The following UGT1A8 variants were observed in gnomAD, a reference collection of about 807,000 sequenced individuals.
The protein encoded by UGT1A8 is UDP glucuronosyltransferase family 1 member A8.
A neutral mutation model predicts 45.3 loss-of-function variants in UGT1A8; 39 were observed. That is an observed-to-expected ratio of 0.86 (90% CI 0.67 to 1.12). UGT1A8 has a LOEUF of 1.12. UGT1A8 is among the 50% of genes most tolerant of loss of function. UGT1A8 has a pLI of 0.00. For missense variants in UGT1A8, 719 were observed against 664.9 expected (o/e 1.08, Z -0.90); for synonymous variants, 275 against 249.2 (o/e 1.10, Z -0.97).
rs192216192 is a variant in UGT1A8, at chr2:233,677,835, A to T, written c.855+59273A>T. 7.8e-5 allele frequency among the ~76,000 whole-genome samples: 11 copies of T among 140,382 alleles called. No individual in the cohort carries two copies. The East Asian group carries it at 1.9e-3, about 25-fold the overall frequency. 92.1% of individuals were successfully genotyped at this position (140,382 alleles called of 152,430 possible). ...AGCAATCCCATTACTAGATATATGT[A>T]AAAAAAATCGTTTTACCAAGAAACA... On this transcript the variant is annotated intron_variant, in intron 1 of 4. Coordinates refer to ENST00000373450, the MANE Select transcript of UGT1A8 (RefSeq NM_019076.5).
At chr2:233,719,656 T>G in intron 1 of UGT1A8, 1 of 1,614,106 alleles carries the variant, frequency 6.2e-7, no homozygotes, top group Non-Finnish European at 8.5e-7. Flanking sequence ...ATTGGGGGCA[T>G]CAACTGTGCC....
At chr2:233,725,215 C>G (rs1487154592) in intron 1 of UGT1A8, among the ~76,000 whole-genome samples, 2 of 85,916 alleles carry the variant, frequency 2.3e-5, no homozygotes, top group African/African-American at 2.0e-4. Context: ...GAGGCAGAGG[C>G]AGAGGAGGCA....
At chr2:233,733,899 C>G (rs563890237) in intron 1 of UGT1A8, among the ~76,000 whole-genome samples, 41 of 152,048 alleles carry the variant, frequency 2.7e-4, no homozygotes, top group African/African-American at 9.9e-4. Flanking sequence ...CCTGTTTGTA[C>G]CTCTCTGGTA....
intron 1 of UGT1A8, among the ~76,000 whole-genome samples, chr2:233,742,109 C>T (rs544656761): frequency 8.6e-5 from 13 of 151,972 alleles, no homozygotes; most frequent in Admixed American, 7.8e-4. Context: ...ACTGCCAAGA[C>T]CAGCTTGGTC....
intron 1 of UGT1A8, among the ~76,000 whole-genome samples, chr2:233,651,896 G>A (rs565619652): frequency 6.6e-6 from 1 of 152,076 alleles, no homozygotes; most frequent in Non-Finnish European, 1.5e-5. Flanking sequence ...AAAACTCATT[G>A]AGTCTATCCA....
intron 1 of UGT1A8, among the ~76,000 whole-genome samples, chr2:233,649,205 C>T (rs1290428114): frequency 3.3e-5 from 5 of 152,086 alleles, no homozygotes; most frequent in South Asian, 2.1e-4. Flanking sequence ...ATAATGGCCT[C>T]GTTAATATGT....
chr2:233,763,296 GAT>G (rs1373689978), intron 1 of UGT1A8, among the ~76,000 whole-genome samples: 1 of 152,054 alleles, frequency 6.6e-6, no homozygotes, highest in African/African-American at 2.4e-5. Flanking sequence ...CCACTTTTTG[GAT>G]ATTAATATTA....
rs201446096 is a variant in UGT1A8, at chr2:233,743,635, G to A, written c.856-23399G>A. On this transcript the variant is annotated intron_variant, in intron 1 of 4. Transcript: ENST00000373450. ...ACTCCCTGAAGACGTCGGCTGGGTC[G>A]CGGAAGCTGAAGACGTACTCGAAGG... 1.1e-3 allele frequency: 1,545 copies of A among 1,367,290 alleles called. 32 individuals are homozygous for A. In the South Asian group the frequency reaches 0.016, roughly 14 times the overall value. 84.7% of individuals were successfully genotyped at this position (1,367,290 alleles called of 1,614,324 possible).
chr2:233,736,629 C>G (rs558858921), intron 1 of UGT1A8, among the ~76,000 whole-genome samples: 2 of 152,326 alleles, frequency 1.3e-5, no homozygotes, highest in South Asian at 2.1e-4. Flanking sequence ...CTTTTCTGCT[C>G]TAGTTTCCCC....
intron 1 of UGT1A8, among the ~76,000 whole-genome samples, chr2:233,732,156 ATTTG>A: frequency 6.6e-6 from 1 of 152,010 alleles, no homozygotes; most frequent in Non-Finnish European, 1.5e-5. Context: ...TTTCTTGTAA[ATTTG>A]TTTGAGTTCT....
At chr2:233,712,938 T>A (rs985876029) in intron 1 of UGT1A8, 1 of 1,612,346 alleles carries the variant, frequency 6.2e-7, no homozygotes. Context: ...AAGGAAACAA[T>A]TCTAGGAGGC....
At chr2:233,626,992 A>C (rs149651894) in intron 1 of UGT1A8, among the ~76,000 whole-genome samples, 1 of 152,186 alleles carries the variant, frequency 6.6e-6, no homozygotes, top group East Asian at 1.9e-4. Context: ...AAAAACTGTC[A>C]GTGGGTGTTG....
intron 1 of UGT1A8, among the ~76,000 whole-genome samples, chr2:233,627,383 A>G (rs1184199486): frequency 6.6e-6 from 1 of 151,980 alleles, no homozygotes; most frequent in Non-Finnish European, 1.5e-5. Flanking sequence ...TGCTGCCATT[A>G]AATTTTCCAG....
intron 1 of UGT1A8, 105 bp from the exon 2 acceptor site, chr2:233,766,924 ATGCCT>A: frequency 6.4e-7 from 1 of 1,565,450 alleles, no homozygotes; most frequent in Non-Finnish European, 8.6e-7. Context: ...TCAAACACGC[ATGCCT>A]TTAATCATAG....
chr2:233,704,855 C>T (rs1453613831), intron 1 of UGT1A8, among the ~76,000 whole-genome samples: 2 of 152,044 alleles, frequency 1.3e-5, no homozygotes, highest in Admixed American at 6.6e-5. Context: ...AGAATAGGGC[C>T]GGGCACGGTG....
In UGT1A8 at chr2:233,760,159, C is replaced by A. The variant is rs35071471; in HGVS notation, c.856-6875C>A. The A allele has an allele frequency of 1.9e-5, 29 of 1,504,618 alleles. No individual in the cohort carries two copies. In the East Asian group the frequency reaches 7.0e-4, roughly 36 times the overall value. 93.2% of individuals were successfully genotyped at this position (1,504,618 alleles called of 1,614,324 possible). A position where few individuals can be genotyped will look rare whatever the true frequency, so the allele number is the denominator to read the frequency against. On this transcript the variant is annotated intron_variant, in intron 1 of 4. Coordinates refer to ENST00000373450, the MANE Select transcript of UGT1A8 (RefSeq NM_019076.5). ...TCTCTGAAAGTGAACTCCCTGCTAC[C>A]TTTGTGGACTGACAGCTTTTTATAG...
chr2:233,761,233 T>G, intron 1 of UGT1A8: 1 of 1,613,114 alleles, frequency 6.2e-7, no homozygotes, highest in South Asian at 1.1e-5. Flanking sequence ...CCCAGATATA[T>G]GCTGAGCAAG....
intron 1 of UGT1A8, among the ~76,000 whole-genome samples, chr2:233,624,475 G>A (rs1051280473): frequency 2.6e-5 from 4 of 152,104 alleles, no homozygotes; most frequent in Non-Finnish European, 5.9e-5. Flanking sequence ...GTAGAAAAGA[G>A]TGGCCTTTCC....
At chr2:233,700,527 C>T (rs1399866515) in intron 1 of UGT1A8, among the ~76,000 whole-genome samples, 1 of 152,026 alleles carries the variant, frequency 6.6e-6, no homozygotes, top group Non-Finnish European at 1.5e-5. Context: ...ATTTAGATAA[C>T]TCTAGGAGAA....
Sources: gnomAD v4.1 joint callset for allele counts (sites outside exome capture counted in the v4.1 genomes callset) on GRCh38, gnomAD v4.1.1 for gene constraint, MANE v1.5 for transcripts, NCBI Gene and HGNC (gene_info 2026-07-23, HGNC 2026-07-21) for gene names.